LSAMP: variants seen among roughly 807,000 people sequenced by gnomAD.
LSAMP encodes the protein limbic system associated membrane protein, also known as limbic system-associated membrane protein.
A neutral mutation model predicts 38.6 loss-of-function variants in LSAMP; 7 were observed. The observed-to-expected ratio is 0.18, with a 90% CI of 0.10 to 0.34. The LOEUF is 0.34. LSAMP is among the 10% of genes least tolerant of loss of function. The probability of loss-of-function intolerance (pLI) is 1.00; values close to 1 mark genes in which losing one functional copy is unlikely to be tolerated. For missense variants in LSAMP, 313 were observed against 420.0 expected (o/e 0.75, Z 2.23); for synonymous variants, 154 against 166.8 (o/e 0.92, Z 0.59).
At chr3:115,886,339 C>G (rs977113495) in intron 3 of LSAMP, among the ~76,000 whole-genome samples, 2 of 151,908 alleles carry the variant, frequency 1.3e-5, no homozygotes, top group African/African-American at 4.8e-5. Context: ...TTCTTAATTT[C>G]TATATTTATC....
chr3:116,220,494 T>A (rs2046270385), intron 1 of LSAMP, among the ~76,000 whole-genome samples: 1 of 151,886 alleles, frequency 6.6e-6, no homozygotes, highest in African/African-American at 2.4e-5. Flanking sequence ...AAATGTTTAA[T>A]AGAGGATAAT....
intron 1 of LSAMP, among the ~76,000 whole-genome samples, chr3:116,310,924 T>A (rs980349639): frequency 6.6e-6 from 1 of 151,828 alleles, no homozygotes; most frequent in African/African-American, 2.4e-5. Context: ...GTTTTTTTTT[T>A]TTTTTTAAAT....
chr3:115,810,656 C>T (rs757339445), intron 6 of LSAMP, among the ~76,000 whole-genome samples: 32 of 152,194 alleles, frequency 2.1e-4, no homozygotes, highest in Admixed American at 1.1e-3. Flanking sequence ...ATGCTTTTGC[C>T]GGGTAAGTCC....
chr3:116,246,660 C>A (rs185264705), intron 1 of LSAMP, among the ~76,000 whole-genome samples: 1 of 152,182 alleles, frequency 6.6e-6, no homozygotes, highest in South Asian at 2.1e-4. Flanking sequence ...ACATCATTCT[C>A]TTAGCTCCAC....
At chr3:116,102,136 G>A (rs1010659415) in intron 1 of LSAMP, among the ~76,000 whole-genome samples, 2 of 152,172 alleles carry the variant, frequency 1.3e-5, no homozygotes, top group Non-Finnish European at 2.9e-5. Context: ...GGCTGATAAA[G>A]AGATATGTAC....
At chr3:116,112,764 C>T (rs1207291147) in intron 1 of LSAMP, among the ~76,000 whole-genome samples, 1 of 152,158 alleles carries the variant, frequency 6.6e-6, no homozygotes. Flanking sequence ...GGTGAATTAA[C>T]TACACTGTCT....
intron 1 of LSAMP, among the ~76,000 whole-genome samples, chr3:116,417,407 T>C (rs2049066253): frequency 6.6e-6 from 1 of 152,164 alleles, no homozygotes; most frequent in South Asian, 2.1e-4. Context: ...TAAACCAGAG[T>C]GAGAGAAGAG....
intron 2 of LSAMP, among the ~76,000 whole-genome samples, chr3:116,065,456 C>T (rs1328767389): frequency 1.3e-5 from 2 of 152,154 alleles, no homozygotes; most frequent in African/African-American, 4.8e-5. Flanking sequence ...AATGCTTTTC[C>T]AGTGATCTGT....
chr3:116,163,949 C>G (rs758932848), intron 1 of LSAMP, among the ~76,000 whole-genome samples: 31 of 152,050 alleles, frequency 2.0e-4, no homozygotes, highest in Non-Finnish European at 4.3e-4. Context: ...AAATAAGGAT[C>G]ATACATACAT....
At chr3:116,269,967 G>A (rs2046948319) in intron 1 of LSAMP, among the ~76,000 whole-genome samples, 2 of 152,028 alleles carry the variant, frequency 1.3e-5, no homozygotes, top group African/African-American at 4.8e-5. Flanking sequence ...ACGCCCATGG[G>A]GGCATTCTAT....
intron 1 of LSAMP, among the ~76,000 whole-genome samples, chr3:116,304,976 G>A (rs1338965846): frequency 2.6e-5 from 4 of 152,060 alleles, no homozygotes; most frequent in African/African-American, 9.7e-5. Flanking sequence ...GAATGAAAAG[G>A]GAGATAAGTC....
chr3:115,937,076 C>T lies in LSAMP; in HGVS notation c.514+82439G>A, dbSNP rs141809054. On this transcript the variant is annotated intron_variant, in intron 3 of 6. Transcript: ENST00000490035. ...ATTCTTTAAGATTTATATGTTGCAT[C>T]GCAAGGTCCTATTAAAAAATACATT... Among the ~76,000 whole-genome samples, 614 of 152,138 alleles carry T rather than the reference C, an allele frequency of 4.0e-3. 3 individuals carry two copies. The highest frequency in any genetic ancestry group is 6.3e-3 in the Non-Finnish European group (427 of 68,016).
intron 1 of LSAMP, among the ~76,000 whole-genome samples, chr3:116,228,345 A>G (rs1258823793): frequency 2.6e-5 from 4 of 152,108 alleles, no homozygotes; most frequent in East Asian, 3.8e-4. Context: ...TATCATTACT[A>G]TCACTAGAAT....
chr3:115,814,653 G>GGA (rs1489804665), intron 6 of LSAMP, among the ~76,000 whole-genome samples: 1 of 152,026 alleles, frequency 6.6e-6, no homozygotes, highest in Non-Finnish European at 1.5e-5. Flanking sequence ...AGTGATCCTT[G>GGA]GATATTCCTT....
chr3:116,286,628 A>G (rs188526790), intron 1 of LSAMP, among the ~76,000 whole-genome samples: 15 of 152,210 alleles, frequency 9.9e-5, no homozygotes, highest in South Asian at 2.1e-4. Flanking sequence ...CTTTCCATCT[A>G]TCTGACTACG....
intron 2 of LSAMP, among the ~76,000 whole-genome samples, chr3:116,030,398 TG>T (rs1940892082): frequency 6.6e-6 from 1 of 152,174 alleles, no homozygotes; most frequent in East Asian, 1.9e-4. Context: ...TCACTGAAGC[TG>T]CTGTTACTCA....
At chr3:116,225,753 GT>G (rs5852000) in intron 1 of LSAMP, among the ~76,000 whole-genome samples, 35,418 of 146,718 alleles carry the variant, frequency 0.24, 4,170 homozygotes, top group Admixed American at 0.28. Context: ...GTATATTATT[GT>G]TTTTTTTTTT....
chr3:116,400,136 A>T (rs1453318528), intron 1 of LSAMP, among the ~76,000 whole-genome samples: 1 of 152,142 alleles, frequency 6.6e-6, no homozygotes, highest in East Asian at 1.9e-4. Context: ...TCTCTCATAT[A>T]TACCAGGAGG....
intron 1 of LSAMP, among the ~76,000 whole-genome samples, chr3:116,272,679 C>T (rs2046990007): frequency 6.6e-6 from 1 of 152,090 alleles, no homozygotes; most frequent in Admixed American, 6.6e-5. Context: ...TATTCATCTC[C>T]TGGATAGTCC....
Sources: gnomAD v4.1 joint callset for allele counts (sites outside exome capture counted in the v4.1 genomes callset) on GRCh38, gnomAD v4.1.1 for gene constraint, MANE v1.5 for transcripts, NCBI Gene and HGNC (gene_info 2026-07-23, HGNC 2026-07-21) for gene names.